Variants in TADA2A observed in about 807,000 individuals in gnomAD.
TADA2A encodes the protein transcriptional adapter 2-alpha.
TADA2A carries 38 observed loss-of-function variants against 67.4 expected under a neutral mutation model. The observed-to-expected ratio is 0.56, with a 90% CI of 0.44 to 0.74. The LOEUF is 0.74. Ranked by LOEUF, TADA2A falls within the 30% of genes least tolerant of loss-of-function variation. The pLI is 0.00. For synonymous variants in TADA2A, 192 were observed against 181.6 expected, an observed-to-expected ratio of 1.06 and a Z score of -0.46; for missense variants, 454 against 547.0, an observed-to-expected ratio of 0.83 and a Z score of 1.70.
chr17:37,434,849 T>C, intron 4 of TADA2A, among the ~76,000 whole-genome samples: 1 of 152,210 alleles, frequency 6.6e-6, no homozygotes, highest in East Asian at 1.9e-4. Flanking sequence ...CAGTCCTTTG[T>C]GGTTATTATA....
At chr17:37,433,953 C>CA (rs57761020) in intron 4 of TADA2A, among the ~76,000 whole-genome samples, 9,243 of 134,004 alleles carry the variant, frequency 0.069, 812 homozygotes, top group African/African-American at 0.22. Flanking sequence ...GACTTGGTCT[C>CA]AAAAAAAAAA....
intron 9 of TADA2A, among the ~76,000 whole-genome samples, chr17:37,460,045 G>A (rs917118546): frequency 6.6e-6 from 1 of 150,900 alleles, no homozygotes; most frequent in African/African-American, 2.4e-5. Context: ...CAGCCTGGGC[G>A]ACAGGGTGAG....
chr17:37,434,233 T>A (rs2052656311), intron 4 of TADA2A, among the ~76,000 whole-genome samples: 1 of 152,206 alleles, frequency 6.6e-6, no homozygotes, highest in Non-Finnish European at 1.5e-5. Context: ...TAGATTTGGA[T>A]TATAGATGTT....
At chr17:37,428,971 G>A (rs529213331) in intron 4 of TADA2A, among the ~76,000 whole-genome samples, 3 of 151,670 alleles carry the variant, frequency 2.0e-5, no homozygotes, top group Non-Finnish European at 4.4e-5. Context: ...ATGTGAACCC[G>A]GGAGGCAGAG....
chr17:37,407,603 C>G (rs968032565), intron 1 of TADA2A: 1 of 151,388 alleles, frequency 6.6e-6, no homozygotes, highest in East Asian at 1.9e-4. Flanking sequence ...AAAGAAGATT[C>G]TGCAGACTGC....
At chr17:37,458,962 C>T (rs568059286) in intron 9 of TADA2A, among the ~76,000 whole-genome samples, 15 of 152,198 alleles carry the variant, frequency 9.9e-5, no homozygotes, top group African/African-American at 3.4e-4. Flanking sequence ...CAGGCATGAG[C>T]CACTGTGCCT....
At chr17:37,463,057 T>G (rs1287697223) in intron 10 of TADA2A, among the ~76,000 whole-genome samples, 1 of 152,028 alleles carries the variant, frequency 6.6e-6, no homozygotes, top group African/African-American at 2.4e-5. Flanking sequence ...GCTGCAGCCT[T>G]GAACTCCTGG....
rs1011568268 is a variant in TADA2A, at chr17:37,439,838, C to A, written c.285-667C>A. Among the ~76,000 whole-genome samples, 10 of 151,550 alleles carry A rather than the reference C, an allele frequency of 6.6e-5. No homozygotes were observed. In the South Asian group the frequency reaches 1.5e-3, roughly 22 times the overall value. ...TATTTTGAATGTTCTGAAGTCACTT[C>A]TTATTATTTACAGCAATTATTTCTG... On this transcript the variant is annotated intron_variant, in intron 5 of 15. Transcript: ENST00000615182.
chr17:37,468,964 C>T (rs1472741489), intron 12 of TADA2A, among the ~76,000 whole-genome samples: 2 of 151,674 alleles, frequency 1.3e-5, no homozygotes, highest in African/African-American at 2.4e-5. Flanking sequence ...TCAGTGGTGC[C>T]ATCTTGGTTC....
At chr17:37,424,872 T>G (rs1397140536) in intron 3 of TADA2A, among the ~76,000 whole-genome samples, 3 of 151,486 alleles carry the variant, frequency 2.0e-5, no homozygotes, top group Non-Finnish European at 4.4e-5. Context: ...TTCTTTTTTT[T>G]CTTTTCCACG....
chr17:37,449,517 G>T (rs1196734721), intron 8 of TADA2A, among the ~76,000 whole-genome samples: 1 of 152,082 alleles, frequency 6.6e-6, no homozygotes, highest in East Asian at 1.9e-4. Context: ...GCATAGAAAG[G>T]TTAGATAACT....
intron 8 of TADA2A, among the ~76,000 whole-genome samples, chr17:37,456,607 G>A (rs902548385): frequency 1.4e-4 from 22 of 152,218 alleles, no homozygotes; most frequent in African/African-American, 5.1e-4. Context: ...TCTTTACTCT[G>A]ATGCAGTTAT....
At chr17:37,446,327 G>C (rs2053080970) in intron 8 of TADA2A, among the ~76,000 whole-genome samples, 1 of 152,116 alleles carries the variant, frequency 6.6e-6, no homozygotes, top group Non-Finnish European at 1.5e-5. Context: ...TTTGAAGGTA[G>C]TATGCAGACT....
intron 8 of TADA2A, among the ~76,000 whole-genome samples, chr17:37,447,130 T>C (rs940548086): frequency 1.3e-5 from 2 of 152,214 alleles, no homozygotes; most frequent in African/African-American, 4.8e-5. Flanking sequence ...CTCTGCCCCA[T>C]AGTAAACTGT....
intron 10 of TADA2A, among the ~76,000 whole-genome samples, chr17:37,463,842 A>C (rs973760617): frequency 1.3e-5 from 2 of 151,786 alleles, no homozygotes; most frequent in African/African-American, 4.8e-5. Flanking sequence ...AGTCCCAACT[A>C]CTCAGGAGGC....
intron 2 of TADA2A, 124 bp downstream of exon 2, chr17:37,411,514 C>T: frequency 1.1e-6 from 1 of 933,834 alleles, no homozygotes; most frequent in Non-Finnish European, 1.7e-6. Flanking sequence ...CTTCTGCCTC[C>T]CGGCTTTAAA....
At chr17:37,434,290 C>T (rs761257268) in intron 4 of TADA2A, among the ~76,000 whole-genome samples, 7 of 152,152 alleles carry the variant, frequency 4.6e-5, no homozygotes, top group Non-Finnish European at 1.0e-4. Context: ...TTTATCATAT[C>T]AGACGATACA....
intron 1 of TADA2A, 47 bp from the exon 2 acceptor site, chr17:37,411,222 C>G: frequency 1.4e-6 from 1 of 735,778 alleles, no homozygotes; most frequent in Non-Finnish European, 2.4e-6. Flanking sequence ...TTATCTTGTC[C>G]CTTTGAATGA....
chr17:37,437,332 C>G (rs1287451869), intron 4 of TADA2A, among the ~76,000 whole-genome samples: 1 of 151,506 alleles, frequency 6.6e-6, no homozygotes, highest in Non-Finnish European at 1.5e-5. Context: ...ACCTCGTGAT[C>G]CGCCCTCCTC....
Sources: gnomAD v4.1 joint callset for allele counts (sites outside exome capture counted in the v4.1 genomes callset) on GRCh38, gnomAD v4.1.1 for gene constraint, MANE v1.5 for transcripts, NCBI Gene and HGNC (gene_info 2026-07-23, HGNC 2026-07-21) for gene names.